The following SSBP2 variants were observed in gnomAD, a reference collection of about 807,000 sequenced individuals.
SSBP2 encodes single stranded DNA binding protein 2.
A neutral mutation model predicts 61.8 loss-of-function variants in SSBP2; 17 were observed. That is an observed-to-expected ratio of 0.28 (90% CI 0.19 to 0.41). SSBP2 has a LOEUF of 0.41. Among genes scored for constraint, SSBP2 ranks in the 10% least tolerant of loss-of-function variants. The pLI is 1.00. For synonymous variants in SSBP2, 139 were observed against 141.3 expected (o/e 0.98, Z 0.12); for missense variants, 310 against 458.7 (o/e 0.68, Z 2.96).
rs750867453 is a variant in SSBP2, at chr5:81,751,019, G to A, written c.24C>T (p.Asn8=). 5.6e-6 allele frequency: 9 copies of A among 1,599,474 alleles called. No individual in the cohort carries two copies. The highest frequency in any genetic ancestry group is 3.4e-5 in the Admixed American group (2 of 58,292). Reference sequence around the variant, plus strand: ...GGCTGTCGGACGGGACGGCGCTGCTGTTACTCTTGCCTTTGCCGTACATGC... The same window carrying A: ...GGCTGTCGGACGGGACGGCGCTGCTATTACTCTTGCCTTTGCCGTACATGC... The change falls in exon 1 of 17, where the codon AAC becomes AAT. Residue 8 remains asparagine, a synonymous_variant. Coordinates refer to ENST00000320672, the MANE Select transcript of SSBP2 (RefSeq NM_012446.5).
rs1176833493 is a variant in SSBP2, at chr5:81,419,109, G to A, written c.*1395C>T. 1.3e-5 allele frequency: 2 copies of A among 152,096 alleles called. No individual in the cohort carries two copies. Among genetic ancestry groups the A allele is most frequent in the Non-Finnish European group, 1.5e-5 (1 of 68,024 alleles). The allele number at this position is 152,096 out of a possible 1,614,324, so 9.4% of individuals were successfully genotyped here. ...TTAAGCACAAAATCCCAAAAGATCT[G>A]GAAAGTGCCATAGAGCAAGGTGCTT... On this transcript the variant is annotated 3_prime_UTR_variant, in exon 17 of 17. Coordinates refer to ENST00000320672, the MANE Select transcript of SSBP2 (RefSeq NM_012446.5).
intron 2 of SSBP2, among the ~76,000 whole-genome samples, chr5:81,649,459 A>T (rs1036133142): frequency 6.6e-6 from 1 of 152,140 alleles, no homozygotes; most frequent in Non-Finnish European, 1.5e-5. Context: ...GAATGAAATC[A>T]TGTCTTTTAC....
At chr5:81,668,765 T>C (rs1204471713) in intron 1 of SSBP2, among the ~76,000 whole-genome samples, 1 of 152,136 alleles carries the variant, frequency 6.6e-6, no homozygotes, top group Non-Finnish European at 1.5e-5. Context: ...GTGTCTTTAA[T>C]AAAGGTCTTG....
At chr5:81,546,545 C>T (rs1258316679) in intron 4 of SSBP2, among the ~76,000 whole-genome samples, 1 of 151,740 alleles carries the variant, frequency 6.6e-6, no homozygotes, top group African/African-American at 2.4e-5. Flanking sequence ...GAGATTTAGT[C>T]TTTTTAAGGC....
chr5:81,461,035 AAAT>A lies in SSBP2; in HGVS notation c.687+17_687+19del. 1 of 1,303,970 alleles carries A rather than the reference AAAT, an allele frequency of 7.7e-7. No individual in the cohort carries two copies. Among genetic ancestry groups the A allele is most frequent in the Non-Finnish European group, 1.0e-6 (1 of 1,004,802 alleles). 80.8% of individuals were successfully genotyped at this position (1,303,970 alleles called of 1,614,324 possible). A position where few individuals can be genotyped will look rare whatever the true frequency, so the allele number is the denominator to read the frequency against. ...GTTACAAAATGCAAAATATTAAAAA[AAAT>A]ATATATATATACTCACTGAATTGGC... On this transcript the variant is annotated intron_variant, in intron 10 of 16. Coordinates refer to ENST00000320672, the MANE Select transcript of SSBP2 (RefSeq NM_012446.5).
Position 81,474,479 on chromosome 5 carries a change from TACTTTA to T in SSBP2, c.499+11_499+16del. The T allele has an allele frequency of 6.2e-7, 1 of 1,610,538 alleles. No individual in the cohort carries two copies. The highest frequency in any genetic ancestry group is 8.5e-7 in the Non-Finnish European group (1 of 1,177,440). On this transcript the variant is annotated intron_variant, in intron 7 of 16. Coordinates refer to ENST00000320672, the MANE Select transcript of SSBP2 (RefSeq NM_012446.5). Reference sequence around the variant, plus strand: ...TGGTTCTGCACATCAATTTTCCTTTTACTTTAGAGTAGTCACCTTGTTGTCGAGTTG... The same window carrying T: ...TGGTTCTGCACATCAATTTTCCTTTTGAGTAGTCACCTTGTTGTCGAGTTG...
At chr5:81,534,784 C>T (rs1285662434) in intron 4 of SSBP2, among the ~76,000 whole-genome samples, 4 of 151,842 alleles carry the variant, frequency 2.6e-5, no homozygotes. Flanking sequence ...GAAACAGAAG[C>T]AATAATGACT....
chr5:81,624,884 T>C (rs1581196018), intron 3 of SSBP2, among the ~76,000 whole-genome samples: 1 of 152,140 alleles, frequency 6.6e-6, no homozygotes, highest in East Asian at 1.9e-4. Flanking sequence ...ATGCATTAAA[T>C]ACCACGTCTA....
intron 12 of SSBP2, among the ~76,000 whole-genome samples, chr5:81,444,585 G>A (rs1471776092): frequency 6.6e-6 from 1 of 152,128 alleles, no homozygotes; most frequent in Non-Finnish European, 1.5e-5. Flanking sequence ...AATAAGTACT[G>A]CTAACTTAGA....
At chr5:81,662,679 G>A (rs964659689) in intron 1 of SSBP2, among the ~76,000 whole-genome samples, 8 of 151,980 alleles carry the variant, frequency 5.3e-5, no homozygotes, top group Non-Finnish European at 1.2e-4. Context: ...GTGGACATCT[G>A]TAATCTCAGC....
intron 1 of SSBP2, among the ~76,000 whole-genome samples, chr5:81,723,960 C>T (rs1483574794): frequency 6.6e-6 from 1 of 151,986 alleles, no homozygotes; most frequent in East Asian, 1.9e-4. Context: ...ACTTGCGCTA[C>T]CACTACAATT....
At chr5:81,434,051 TTA>T (rs1225436594) in intron 15 of SSBP2, among the ~76,000 whole-genome samples, 21 of 152,232 alleles carry the variant, frequency 1.4e-4, no homozygotes, top group Admixed American at 7.8e-4. Context: ...ACTAAAATCT[TTA>T]TGTTACAGCT....
At chr5:81,482,159 G>A (rs535505219) in intron 6 of SSBP2, among the ~76,000 whole-genome samples, 2 of 152,172 alleles carry the variant, frequency 1.3e-5, no homozygotes, top group East Asian at 3.9e-4. Context: ...GGCCAGGCTG[G>A]TCTTGAACTC....
At chr5:81,658,468 C>T (rs1301439788) in intron 1 of SSBP2, among the ~76,000 whole-genome samples, 1 of 152,184 alleles carries the variant, frequency 6.6e-6, no homozygotes, top group Non-Finnish European at 1.5e-5. Flanking sequence ...AACCTGCACA[C>T]ATTCTTCTGT....
At chr5:81,644,555 T>C (rs892366656) in intron 2 of SSBP2, among the ~76,000 whole-genome samples, 5 of 152,232 alleles carry the variant, frequency 3.3e-5, no homozygotes, top group Admixed American at 6.5e-5. Context: ...AGGTAGCTTA[T>C]GTCTAGTATT....
At chr5:81,716,078 AC>A (rs201588397) in intron 1 of SSBP2, among the ~76,000 whole-genome samples, 33 of 150,552 alleles carry the variant, frequency 2.2e-4, no homozygotes, top group South Asian at 1.5e-3. Flanking sequence ...AACAACAACA[AC>A]AAAAAAAAAA....
intron 5 of SSBP2, among the ~76,000 whole-genome samples, chr5:81,491,290 C>T (rs903567641): frequency 4.6e-5 from 7 of 152,102 alleles, no homozygotes; most frequent in African/African-American, 1.7e-4. Flanking sequence ...GTCTGTAATA[C>T]AACCACTTTG....
intron 1 of SSBP2, chr5:81,710,628 C>A (rs1423855842): frequency 2.2e-5 from 10 of 447,750 alleles, no homozygotes; most frequent in Non-Finnish European, 4.5e-5. Flanking sequence ...CAAGCACAAA[C>A]CTACAAATAG....
intron 4 of SSBP2, among the ~76,000 whole-genome samples, chr5:81,562,576 A>C (rs1773132717): frequency 1.3e-5 from 2 of 152,214 alleles, no homozygotes; most frequent in Non-Finnish European, 2.9e-5. Flanking sequence ...TATAAGAGCA[A>C]ACCAATCCAT....
Sources: gnomAD v4.1 joint callset for allele counts (sites outside exome capture counted in the v4.1 genomes callset) on GRCh38, gnomAD v4.1.1 for gene constraint, MANE v1.5 for transcripts, NCBI Gene and HGNC (gene_info 2026-07-23, HGNC 2026-07-21) for gene names.